Variants in PRKN observed in about 807,000 individuals in gnomAD.
PRKN encodes parkin RBR E3 ubiquitin protein ligase, also known as E3 ubiquitin-protein ligase parkin.
A neutral mutation model predicts 59.5 loss-of-function variants in PRKN; 56 were observed. That is an observed-to-expected ratio of 0.94 (90% CI 0.76 to 1.18). The LOEUF (loss-of-function observed/expected upper bound fraction) is 1.18. Ranked by LOEUF, PRKN falls within the 50% of genes most tolerant of loss-of-function variation. The pLI, the probability that PRKN is intolerant of heterozygous loss-of-function variation, is 0.00. For synonymous variants in PRKN, 250 were observed against 222.1 expected (o/e 1.13, Z -1.12); for missense variants, 657 against 596.4 (o/e 1.10, Z -1.06).
intron 2 of PRKN, among the ~76,000 whole-genome samples, chr6:162,339,897 G>C (rs1344510084): frequency 1.4e-5 from 2 of 147,006 alleles, no homozygotes; most frequent in Non-Finnish European, 3.0e-5. Flanking sequence ...ATGGATTAAG[G>C]GCGGTGCAAG....
chr6:161,625,702 C>T (rs940782128), intron 7 of PRKN, among the ~76,000 whole-genome samples: 1 of 152,172 alleles, frequency 6.6e-6, no homozygotes, highest in African/African-American at 2.4e-5. Flanking sequence ...TAACATCTAA[C>T]ACTCGTGCTA....
intron 1 of PRKN, among the ~76,000 whole-genome samples, chr6:162,526,220 A>G (rs1778275963): frequency 6.6e-6 from 1 of 150,590 alleles, no homozygotes; most frequent in Non-Finnish European, 1.5e-5. Flanking sequence ...AAAATAATTA[A>G]ATAGAAATTA....
intron 7 of PRKN, among the ~76,000 whole-genome samples, chr6:161,738,959 A>G (rs1337175045): frequency 6.6e-6 from 1 of 152,252 alleles, no homozygotes; most frequent in African/African-American, 2.4e-5. Context: ...GGAAACAGGT[A>G]TACAGTTTTT....
chr6:162,492,816 G>A (rs1792878395), intron 1 of PRKN, among the ~76,000 whole-genome samples: 1 of 152,012 alleles, frequency 6.6e-6, no homozygotes, highest in African/African-American at 2.4e-5. Context: ...AGCCAGGTGT[G>A]GTGACACATG....
chr6:162,497,862 A>G (rs1793138985), intron 1 of PRKN, among the ~76,000 whole-genome samples: 1 of 152,226 alleles, frequency 6.6e-6, no homozygotes, highest in African/African-American at 2.4e-5. Context: ...GAATTCCTAT[A>G]GTTAACAATC....
intron 6 of PRKN, among the ~76,000 whole-genome samples, chr6:161,841,605 C>T (rs1226068602): frequency 3.9e-5 from 6 of 152,162 alleles, no homozygotes; most frequent in Non-Finnish European, 8.8e-5. Context: ...CCACCTCGGC[C>T]TCCCAAAGTG....
chr6:162,702,505 T>A (rs75716383), intron 1 of PRKN, among the ~76,000 whole-genome samples: 2 of 152,164 alleles, frequency 1.3e-5, no homozygotes, highest in African/African-American at 2.4e-5. Context: ...CTACCTACTA[T>A]CTTGATTCTG....
intron 6 of PRKN, among the ~76,000 whole-genome samples, chr6:161,836,310 G>A (rs1375597193): frequency 6.6e-6 from 1 of 152,202 alleles, no homozygotes; most frequent in Non-Finnish European, 1.5e-5. Context: ...GTTCTGCGAT[G>A]CCAGTGGTCA....
chr6:162,480,338 C>A (rs1386743672), intron 1 of PRKN, among the ~76,000 whole-genome samples: 1 of 152,108 alleles, frequency 6.6e-6, no homozygotes, highest in Non-Finnish European at 1.5e-5. Context: ...TGGTCTGTCA[C>A]TAACTGAAAT....
At chr6:162,064,135 C>T (rs1257233805) in intron 4 of PRKN, among the ~76,000 whole-genome samples, 4 of 152,140 alleles carry the variant, frequency 2.6e-5, no homozygotes, top group Admixed American at 2.0e-4. Flanking sequence ...AACAAAACAC[C>T]ATATTTACCA....
At chr6:162,711,741 T>C (rs920708410) in intron 1 of PRKN, among the ~76,000 whole-genome samples, 3 of 152,176 alleles carry the variant, frequency 2.0e-5, no homozygotes, top group Admixed American at 1.3e-4. Flanking sequence ...CTGTGCTCTC[T>C]ATATGGGGGA....
Position 161,576,563 on chromosome 6 carries a change from G to T in PRKN, c.872-7147C>A, listed in dbSNP as rs1171143569. Among the ~76,000 whole-genome samples, 1 of 152,208 alleles carries T rather than the reference G, an allele frequency of 6.6e-6. No individual in the cohort carries two copies. Among genetic ancestry groups the T allele is most frequent in the Non-Finnish European group, 1.5e-5 (1 of 68,042 alleles). On this transcript the variant is annotated intron_variant, in intron 7 of 11. Transcript: ENST00000366898. The surrounding 1 kb of genome is among the most constrained non-coding windows in gnomAD (Gnocchi z 4.6). ...CCATTGTGCACCCACTTTGTGCCAGGCACTATTACGACACTTGGGTCGCAG... is the reference window on the plus strand; with the variant it reads ...CCATTGTGCACCCACTTTGTGCCAGTCACTATTACGACACTTGGGTCGCAG...
chr6:162,080,731 G>T (rs918847115), intron 4 of PRKN, among the ~76,000 whole-genome samples: 1 of 152,012 alleles, frequency 6.6e-6, no homozygotes, highest in Admixed American at 6.6e-5. Flanking sequence ...GGTGGATGTG[G>T]CAATGTCTTA....
At chr6:162,363,144 A>C (rs866913341) in intron 2 of PRKN, among the ~76,000 whole-genome samples, 2,281 of 151,150 alleles carry the variant, frequency 0.015, 72 homozygotes, top group African/African-American at 0.049. Flanking sequence ...AAAAAAAAAA[A>C]AAAAAAAAAA....
chr6:161,573,621 G>T (rs1190404917), intron 7 of PRKN, among the ~76,000 whole-genome samples: 1 of 148,378 alleles, frequency 6.7e-6, no homozygotes, highest in Admixed American at 6.7e-5. Context: ...TCGGGAGGCT[G>T]AGGCAGGAGA....
At chr6:161,744,917 G>A (rs59407549) in intron 7 of PRKN, among the ~76,000 whole-genome samples, 3 of 152,040 alleles carry the variant, frequency 2.0e-5, no homozygotes, top group African/African-American at 2.4e-5. Context: ...GACACTACTC[G>A]AAGCACTCAA....
At chr6:161,367,776 A>G (rs555420700) in intron 10 of PRKN, among the ~76,000 whole-genome samples, 1 of 152,268 alleles carries the variant, frequency 6.6e-6, no homozygotes, top group Admixed American at 6.5e-5. Flanking sequence ...GAAGGCTTTG[A>G]AGAAGTAAGG....
intron 1 of PRKN, among the ~76,000 whole-genome samples, chr6:162,719,519 T>A (rs1256762397): frequency 7.1e-6 from 1 of 140,368 alleles, no homozygotes; most frequent in African/African-American, 2.7e-5. Context: ...CCAGAGTTCA[T>A]CATTCCTCAA....
At chr6:161,394,299 T>C (rs1166135496) in intron 9 of PRKN, among the ~76,000 whole-genome samples, 1 of 152,042 alleles carries the variant, frequency 6.6e-6, no homozygotes, top group East Asian at 1.9e-4. Context: ...ATGTGTGGTC[T>C]CCAAAGGGCT....
Sources: gnomAD v4.1 joint callset for allele counts (sites outside exome capture counted in the v4.1 genomes callset) on GRCh38, gnomAD v4.1.1 for gene constraint, Gnocchi (gnomAD v3.1) non-coding constraint, MANE v1.5 for transcripts, NCBI Gene and HGNC (gene_info 2026-07-23, HGNC 2026-07-21) for gene names.